The following KCNQ1 variants were observed in gnomAD, a reference collection of about 807,000 sequenced individuals.
The protein encoded by KCNQ1 is potassium voltage-gated channel subfamily KQT member 1.
In KCNQ1, 49 loss-of-function variants were observed where a neutral mutation model predicts 72.4. That is an observed-to-expected ratio of 0.68 (90% CI 0.54 to 0.86). KCNQ1 has a LOEUF of 0.86. KCNQ1 is among the 40% of genes least tolerant of loss of function. The pLI, the probability that KCNQ1 is intolerant of heterozygous loss-of-function variation, is 0.00. For synonymous variants in KCNQ1, 450 were observed against 412.6 expected (o/e 1.09, Z -1.10); for missense variants, 790 against 945.1 (o/e 0.84, Z 2.15).
intron 8 of KCNQ1, among the ~76,000 whole-genome samples, chr11:2,587,021 T>C (rs1246395233): frequency 6.6e-6 from 1 of 152,116 alleles, no homozygotes; most frequent in African/African-American, 2.4e-5. Flanking sequence ...GCTGCACCCA[T>C]GTGCCATCAG....
At chr11:2,842,179 C>T (rs893006875) in intron 15 of KCNQ1, among the ~76,000 whole-genome samples, 2 of 152,202 alleles carry the variant, frequency 1.3e-5, no homozygotes, top group Admixed American at 6.5e-5. Flanking sequence ...TTCAGCCCCA[C>T]CACAGGCGCC....
Position 2,603,200 on chromosome 11 carries a change from A to G in KCNQ1, c.1393+14346A>G, listed in dbSNP as rs116776574. Among the ~76,000 whole-genome samples, 3,818 of 152,324 alleles carry G rather than the reference A, an allele frequency of 0.025. 159 individuals are homozygous for G. The highest frequency in any genetic ancestry group is 0.084 in the African/African-American group (3,473 of 41,556). On this transcript the variant is annotated intron_variant, in intron 10 of 15. Transcript: ENST00000155840. This position sits in a 1 kb window ranked among gnomAD's most constrained non-coding sequence, Gnocchi z 4.1. Reference sequence around the variant, plus strand: ...AATTTTTTGGTTTGCCACTGCATATAAAAGTTATGTTTATATTGTAGTCTA... The same window carrying G: ...AATTTTTTGGTTTGCCACTGCATATGAAAGTTATGTTTATATTGTAGTCTA...
intron 10 of KCNQ1, chr11:2,650,978 T>C (rs1849748076): frequency 2.5e-6 from 1 of 398,670 alleles, no homozygotes; most frequent in Non-Finnish European, 4.4e-6. Flanking sequence ...CAGTATGTCT[T>C]ATCAACTCTC....
At position 2,715,328 on chromosome 11, in the gene KCNQ1, A is replaced by C. The variant is rs922533875; in HGVS notation, c.1514+53247A>C. ...TAAAGACCTGCGGGCTGTGTCATGG[A>C]GGGCCCTTACCCCGGAGGAGCCAGG... is the stretch of plus-strand genomic sequence containing the variant. On this transcript the variant is annotated intron_variant, in intron 11 of 15. Transcript: ENST00000155840. This position sits in a 1 kb window ranked among gnomAD's most constrained non-coding sequence, Gnocchi z 4.9. 6.6e-6 allele frequency among the ~76,000 whole-genome samples: 1 copy of C among 152,046 alleles called. No homozygotes were observed. Among genetic ancestry groups the C allele is most frequent in the South Asian group, 2.1e-4 (1 of 4,824 alleles).
chr11:2,580,899 A>G (rs1364700367), intron 6 of KCNQ1, among the ~76,000 whole-genome samples: 2 of 152,220 alleles, frequency 1.3e-5, no homozygotes, highest in African/African-American at 4.8e-5. Context: ...AGCCAGGCAG[A>G]CGGTGCTGAG....
Position 2,776,062 on chromosome 11 carries a change from C to A in KCNQ1, c.1685+8C>A. ...CAAGGAGCTGCAGAGGAGGTGGGCA[C>A]GGCCAAACGGCAGCGGGGAGGGTGC... On this transcript the variant is annotated splice_region_variant and intron_variant, in intron 13 of 15. Transcript: ENST00000155840. 6.5e-7 allele frequency: 1 copy of A among 1,549,762 alleles called. No homozygotes were observed. Among genetic ancestry groups the A allele is most frequent in the Non-Finnish European group, 8.7e-7 (1 of 1,145,768 alleles).
At chr11:2,758,967 T>TG (rs1846345476) in intron 11 of KCNQ1, among the ~76,000 whole-genome samples, 1 of 152,142 alleles carries the variant, frequency 6.6e-6, no homozygotes, top group South Asian at 2.1e-4. Flanking sequence ...TCCTCGTTGC[T>TG]GTGTGAATCT....
At chr11:2,631,858 C>A in intron 10 of KCNQ1, 1 of 398,308 alleles carries the variant, frequency 2.5e-6, no homozygotes, top group Middle Eastern at 6.3e-4. Flanking sequence ...TAATAATATC[C>A]CTTTCAGATT....
intron 11 of KCNQ1, among the ~76,000 whole-genome samples, chr11:2,730,289 G>C (rs1845832854): frequency 6.6e-6 from 1 of 152,214 alleles, no homozygotes. Flanking sequence ...TCTTACGGCT[G>C]CTGTAATGAA....
At chr11:2,650,151 A>G (rs978260192) in intron 10 of KCNQ1, 3 of 398,206 alleles carry the variant, frequency 7.5e-6, no homozygotes, top group Non-Finnish European at 1.3e-5. Flanking sequence ...TCTTTTTCAT[A>G]TCTAACTCTG....
rs1356711142 is a variant in KCNQ1 at position 2,488,606 on chromosome 11, C to T, written c.387-39322C>T. Among the ~76,000 whole-genome samples the T allele has an allele frequency of 6.6e-6, 1 of 152,130 alleles. No homozygotes were observed. The highest frequency in any genetic ancestry group is 1.5e-5 in the Non-Finnish European group (1 of 68,026). On this transcript the variant is annotated intron_variant, in intron 1 of 15. Coordinates refer to ENST00000155840, the MANE Select transcript of KCNQ1 (RefSeq NM_000218.3). This position sits in a 1 kb window ranked among gnomAD's most constrained non-coding sequence, Gnocchi z 5.1. The stretch of plus-strand genomic sequence containing the variant: ...AGGTTTCGTGTTTCTCAGAATTTGT[C>T]CATTTCATCTAGGTTATCCAATTTG...
At position 2,613,759 on chromosome 11, in the gene KCNQ1, C is replaced by T. The variant is rs1849017579; in HGVS notation, c.1393+24905C>T. On this transcript the variant is annotated intron_variant, in intron 10 of 15. Coordinates refer to ENST00000155840, the MANE Select transcript of KCNQ1 (RefSeq NM_000218.3). The surrounding 1 kb of genome is among the most constrained non-coding windows in gnomAD (Gnocchi z 4.8). ...AGTCAATACTAAACAAAAGGAGCTA[C>T]TGAGAGAAATCTTCCTCTCACCCAT... 2.5e-6 allele frequency: 1 copy of T among 398,484 alleles called. No homozygotes were observed. The highest frequency in any genetic ancestry group is 4.4e-6 in the Non-Finnish European group (1 of 226,014). 24.7% of individuals were successfully genotyped at this position (398,484 alleles called of 1,614,324 possible). A position where few individuals can be genotyped will look rare whatever the true frequency, so the allele number is the denominator to read the frequency against.
In KCNQ1 at chr11:2,620,434, T is replaced by A; in HGVS notation, c.1393+31580T>A. On this transcript the variant is annotated intron_variant, in intron 10 of 15. Coordinates refer to ENST00000155840, the MANE Select transcript of KCNQ1 (RefSeq NM_000218.3). This position sits in a 1 kb window ranked among gnomAD's most constrained non-coding sequence, Gnocchi z 4.5. ...TTTTTCCATGTTGGTCAGGCTGGTC[T>A]CGAACTCCTGACCTCAGGTGATCCA... The A allele has an allele frequency of 3.7e-6, 1 of 270,834 alleles. No individual in the cohort carries two copies. The highest frequency in any genetic ancestry group is 6.8e-6 in the Non-Finnish European group (1 of 146,922). The allele number at this position is 270,834 out of a possible 1,614,324, so 16.8% of individuals were successfully genotyped here.
rs562771623 is a variant in KCNQ1 at position 2,759,981 on chromosome 11, C to G, written c.1515-8863C>G. Among the ~76,000 whole-genome samples, 32 of 152,350 alleles carry G rather than the reference C, an allele frequency of 2.1e-4. No homozygotes were observed. In the East Asian group the frequency reaches 6.2e-3, roughly 29 times the overall value. ...GCCAGGCCGCTGAGCTGCTGGGAAT[C>G]TGTTCCACAGGTGGGAAGGTCGGCC... On this transcript the variant is annotated intron_variant, in intron 11 of 15. Transcript: ENST00000155840. This position sits in a 1 kb window ranked among gnomAD's most constrained non-coding sequence, Gnocchi z 4.4.
In KCNQ1 at chr11:2,815,168, G is replaced by A. The variant is rs758673176; in HGVS notation, c.1795-32599G>A. Among the ~76,000 whole-genome samples, 6 of 152,328 alleles carry A rather than the reference G, an allele frequency of 3.9e-5. No homozygotes were observed. The highest frequency in any genetic ancestry group is 4.8e-5 in the African/African-American group (2 of 41,568). Reference sequence around the variant, plus strand: ...CCCAAATTACCCCCATGCTCAGGGTGTCACTGAGGGTCCCAAGTCTGGGGT... The same window carrying A: ...CCCAAATTACCCCCATGCTCAGGGTATCACTGAGGGTCCCAAGTCTGGGGT... On this transcript the variant is annotated intron_variant, in intron 15 of 15. Transcript: ENST00000155840. The surrounding 1 kb of genome is among the most constrained non-coding windows in gnomAD (Gnocchi z 5.4).
chr11:2,584,529 G>T (rs373628179), intron 7 of KCNQ1, among the ~76,000 whole-genome samples: 1 of 150,028 alleles, frequency 6.7e-6, no homozygotes, highest in East Asian at 1.9e-4. Flanking sequence ...GTGTTAGTGT[G>T]TGTGTTAGTA....
At chr11:2,672,970 C>A in intron 11 of KCNQ1, 1 of 398,732 alleles carries the variant, frequency 2.5e-6, no homozygotes, top group Non-Finnish European at 4.4e-6. Context: ...CAGCTGAGTC[C>A]CCTGCAGGCC....
chr11:2,817,050 C>A lies in KCNQ1; in HGVS notation c.1795-30717C>A, dbSNP rs1272991391. 6.6e-6 allele frequency among the ~76,000 whole-genome samples: 1 copy of A among 152,078 alleles called. No homozygotes were observed. Among genetic ancestry groups the A allele is most frequent in the African/African-American group, 2.4e-5 (1 of 41,412 alleles). On this transcript the variant is annotated intron_variant, in intron 15 of 15. Coordinates refer to ENST00000155840, the MANE Select transcript of KCNQ1 (RefSeq NM_000218.3). This position sits in a 1 kb window ranked among gnomAD's most constrained non-coding sequence, Gnocchi z 6.1. Reference sequence around the variant, plus strand: ...AACAGAGCCCAGTGGCACTCCTGACCCCAGGAGACAGAGGGAACCCACCCT... The same window carrying A: ...AACAGAGCCCAGTGGCACTCCTGACACCAGGAGACAGAGGGAACCCACCCT...
intron 2 of KCNQ1, among the ~76,000 whole-genome samples, chr11:2,533,829 CAA>C (rs1847682070): frequency 6.6e-6 from 1 of 152,210 alleles, no homozygotes; most frequent in Admixed American, 6.5e-5. Context: ...AAACTCCACA[CAA>C]AGAGAGAGGC....
Sources: gnomAD v4.1 joint callset for allele counts (sites outside exome capture counted in the v4.1 genomes callset) on GRCh38, gnomAD v4.1.1 for gene constraint, Gnocchi (gnomAD v3.1) non-coding constraint, MANE v1.5 for transcripts, NCBI Gene and HGNC (gene_info 2026-07-23, HGNC 2026-07-21) for gene names.